Variants in SORBS2 observed in about 807,000 individuals in gnomAD.
SORBS2 encodes sorbin and SH3 domain containing 2.
SORBS2 carries 46 observed loss-of-function variants against 97.7 expected under a neutral mutation model. That is an observed-to-expected ratio of 0.47 (90% confidence interval 0.37 to 0.60). The LOEUF is 0.60. Among genes scored for constraint, SORBS2 ranks in the 20% least tolerant of loss-of-function variants. The probability of loss-of-function intolerance (pLI) is 0.00; values close to 1 mark genes in which losing one functional copy is unlikely to be tolerated. For synonymous variants in SORBS2, 476 were observed against 473.4 expected (o/e 1.01, Z -0.07); for missense variants, 1,316 against 1,282.3 (o/e 1.03, Z -0.40).
intron 1 of SORBS2, among the ~76,000 whole-genome samples, chr4:185,920,325 GTGTC>G (rs2149917700): frequency 6.6e-6 from 1 of 152,226 alleles, no homozygotes; most frequent in African/African-American, 2.4e-5. Flanking sequence ...GTAGCACAAG[GTGTC>G]TCTGTCCCAA....
chr4:185,593,809 A>C (rs2096017263), intron 13 of SORBS2, 77 bp downstream of exon 25: 1 of 917,064 alleles, frequency 1.1e-6, no homozygotes, highest in Non-Finnish European at 1.8e-6. Flanking sequence ...AAAGCCATAC[A>C]TCTTACATTT....
intron 1 of SORBS2, among the ~76,000 whole-genome samples, chr4:185,912,964 TA>T (rs1189103025): frequency 6.6e-6 from 1 of 152,152 alleles, no homozygotes; most frequent in African/African-American, 2.4e-5. Flanking sequence ...ATGGGTGCAA[TA>T]AACACTCCTG....
At chr4:185,749,955 A>G (rs1414099719) in intron 2 of SORBS2, among the ~76,000 whole-genome samples, 2 of 152,226 alleles carry the variant, frequency 1.3e-5, no homozygotes, top group African/African-American at 4.8e-5. Flanking sequence ...TAAACACCAA[A>G]CACTGGAAGG....
At chr4:185,774,608 G>C (rs2098990742) in intron 2 of SORBS2, 1 of 152,064 alleles carries the variant, frequency 6.6e-6, no homozygotes, top group African/African-American at 2.4e-5. Context: ...CCTGCCAGCA[G>C]ATGTACCCAG....
At chr4:185,594,622 T>TTTC (rs2096040811) in intron 12 of SORBS2, among the ~76,000 whole-genome samples, 1 of 152,228 alleles carries the variant, frequency 6.6e-6, no homozygotes, top group Non-Finnish European at 1.5e-5. Flanking sequence ...AAGAGTTTCT[T>TTTC]TTCTTTTTAA....
At chr4:185,855,704 C>T (rs2099220315) in intron 1 of SORBS2, among the ~76,000 whole-genome samples, 1 of 152,160 alleles carries the variant, frequency 6.6e-6, no homozygotes, top group Admixed American at 6.5e-5. Context: ...TGTCTGTACC[C>T]TCATAAGATA....
At chr4:185,845,017 C>CTT (rs57089831) in intron 1 of SORBS2, among the ~76,000 whole-genome samples, 10 of 140,332 alleles carry the variant, frequency 7.1e-5, no homozygotes, top group Admixed American at 2.1e-4. Flanking sequence ...GATGAAAATG[C>CTT]TTTTTTTTTT....
At chr4:185,825,374 T>C (rs1330392489) in intron 1 of SORBS2, among the ~76,000 whole-genome samples, 1 of 152,248 alleles carries the variant, frequency 6.6e-6, no homozygotes, top group Non-Finnish European at 1.5e-5. Context: ...GAATTATTTT[T>C]ATTTGACAGG....
intron 4 of SORBS2, among the ~76,000 whole-genome samples, chr4:185,644,906 C>T (rs918330016): frequency 2.0e-5 from 3 of 151,954 alleles, no homozygotes; most frequent in Non-Finnish European, 2.9e-5. Context: ...TTTAGGTGTG[C>T]GTCTGTTTTA....
intron 12 of SORBS2, among the ~76,000 whole-genome samples, chr4:185,595,941 C>T (rs2096075273): frequency 6.6e-6 from 1 of 152,118 alleles, no homozygotes; most frequent in Non-Finnish European, 1.5e-5. Flanking sequence ...CTGAAAAATA[C>T]TGTACTCAAA....
intron 1 of SORBS2, among the ~76,000 whole-genome samples, chr4:185,942,020 G>T (rs182197411): frequency 6.6e-6 from 1 of 152,196 alleles, no homozygotes; most frequent in Non-Finnish European, 1.5e-5. Context: ...GGAGTCTGAG[G>T]CAGGAGAATC....
chr4:185,661,099 AC>A (rs3080186), upstream of SORBS2, among the ~76,000 whole-genome samples: 2 of 147,726 alleles, frequency 1.4e-5, no homozygotes, highest in Non-Finnish European at 3.0e-5. Flanking sequence ...ACATGGTGAA[AC>A]CCCCTGTCTG....
intron 1 of SORBS2, among the ~76,000 whole-genome samples, chr4:185,853,589 CAA>C (rs1371819897): frequency 6.6e-6 from 1 of 152,140 alleles, no homozygotes; most frequent in African/African-American, 2.4e-5. Context: ...GAGAAATATG[CAA>C]ACTTATTTTT....
At chr4:185,688,607 A>G (rs947901540) in intron 2 of SORBS2, among the ~76,000 whole-genome samples, 1 of 151,640 alleles carries the variant, frequency 6.6e-6, no homozygotes, top group Non-Finnish European at 1.5e-5. Context: ...TTATTCATCT[A>G]TCTATCTATC....
intron 2 of SORBS2, among the ~76,000 whole-genome samples, chr4:185,731,975 T>C (rs1400763481): frequency 6.7e-6 from 1 of 148,354 alleles, no homozygotes; most frequent in African/African-American, 2.5e-5. Context: ...ACAAAGAGTA[T>C]CACAAAATTA....
At chr4:185,955,758 C>G (rs746592513) in intron 1 of SORBS2, among the ~76,000 whole-genome samples, 27 of 152,120 alleles carry the variant, frequency 1.8e-4, no homozygotes, top group Non-Finnish European at 2.6e-4. Flanking sequence ...CTCATACCAA[C>G]CAAATGCTCT....
At chr4:185,680,173 G>C (rs1381849262) in intron 2 of SORBS2, among the ~76,000 whole-genome samples, 1 of 152,164 alleles carries the variant, frequency 6.6e-6, no homozygotes, top group Non-Finnish European at 1.5e-5. Context: ...ACAATTTTTT[G>C]ATTTTTATTT....
At chr4:185,939,700 G>A (rs374485112) in intron 1 of SORBS2, among the ~76,000 whole-genome samples, 1 of 152,208 alleles carries the variant, frequency 6.6e-6, no homozygotes, top group Admixed American at 6.5e-5. Context: ...AGTAGACAGG[G>A]TTTCTCCTAA....
chr4:185,587,960 A>G, intron 14 of SORBS2: 2 of 366,012 alleles, frequency 5.5e-6, no homozygotes, highest in Non-Finnish European at 1.0e-5. Context: ...CTAAAGGGAA[A>G]GTCAGCCCTG....
Sources: gnomAD v4.1 joint callset for allele counts (sites outside exome capture counted in the v4.1 genomes callset) on GRCh38, gnomAD v4.1.1 for gene constraint, MANE v1.5 for transcripts, NCBI Gene and HGNC (gene_info 2026-07-23, HGNC 2026-07-21) for gene names.